The following FAM151B variants were observed in gnomAD, a reference collection of about 807,000 sequenced individuals.
The protein encoded by FAM151B is family with sequence similarity 151 member B.
FAM151B carries 24 observed loss-of-function variants against 31.2 expected under a neutral mutation model. The observed-to-expected ratio is 0.77, with a 90% CI of 0.56 to 1.08. The LOEUF is 1.08. Among genes scored for constraint, FAM151B ranks in the 50% least tolerant of loss-of-function variants. FAM151B has a pLI of 0.00. For synonymous variants in FAM151B, 105 were observed against 111.4 expected (o/e 0.94, Z 0.36); for missense variants, 293 against 328.6 (o/e 0.89, Z 0.84).
At chr5:80,538,474 CTT>C (rs1561383783) in intron 5 of FAM151B, among the ~76,000 whole-genome samples, 4 of 123,980 alleles carry the variant, frequency 3.2e-5, no homozygotes, top group African/African-American at 1.0e-4. Context: ...TTCTTTCTTT[CTT>C]TCTTTCTTTC....
chr5:80,525,841 C>T (rs923553797), intron 5 of FAM151B, among the ~76,000 whole-genome samples: 4 of 150,062 alleles, frequency 2.7e-5, no homozygotes, highest in Admixed American at 1.3e-4. Flanking sequence ...GTACAGGCTT[C>T]TAATGCTCTC....
At chr5:80,496,784 T>C (rs1475196697) in intron 1 of FAM151B, among the ~76,000 whole-genome samples, 2 of 149,726 alleles carry the variant, frequency 1.3e-5, no homozygotes, top group Non-Finnish European at 3.0e-5. Flanking sequence ...ATGGGAACTT[T>C]GCTCTTTTTG....
chr5:80,538,428 CTTTCTTTCTTTCTTTCTTTCTCTT>C (rs1426082411), intron 5 of FAM151B, among the ~76,000 whole-genome samples: 7 of 58,248 alleles, frequency 1.2e-4, no homozygotes, highest in South Asian at 1.4e-3. Context: ...TTCTTTCTTT[CTTTCTTTCTTTCTTTCTTTCTCTT>C]TCTTTCTTTC....
chr5:80,493,487 C>T lies in FAM151B; in HGVS notation c.25+5339C>T, dbSNP rs375092593. On this transcript the variant is annotated intron_variant, in intron 1 of 5. Coordinates refer to ENST00000282226, the MANE Select transcript of FAM151B (RefSeq NM_205548.3). ...GACTGCCTGCGGGGTTGGGCAGAATCGAGCCATATTTTCCTTCTTGCAGAA... is the reference window on the plus strand; with the variant it reads ...GACTGCCTGCGGGGTTGGGCAGAATTGAGCCATATTTTCCTTCTTGCAGAA... Among the ~76,000 whole-genome samples, 16 of 152,164 alleles carry T rather than the reference C, an allele frequency of 1.1e-4. No homozygotes were observed. In the East Asian group the frequency reaches 3.1e-3, roughly 29 times the overall value.
Position 80,501,948 on chromosome 5 carries a change from T to C in FAM151B, c.151+31T>C, listed in dbSNP as rs373194560. The C allele has an allele frequency of 4.2e-5, 63 of 1,515,836 alleles. No homozygotes were observed. The African/African-American group carries it at 8.3e-4, about 20-fold the overall frequency. The allele number at this position is 1,515,836 out of a possible 1,614,324, so 93.9% of individuals were successfully genotyped here. On this transcript the variant is annotated intron_variant, in intron 2 of 5. Coordinates refer to ENST00000282226, the MANE Select transcript of FAM151B (RefSeq NM_205548.3). The stretch of plus-strand genomic sequence containing the variant: ...TCAGTACAGTTACTTGTAATTTACT[T>C]TGGATAATAGATTAATTCAACTCCT...
intron 1 of FAM151B, among the ~76,000 whole-genome samples, chr5:80,499,351 T>C (rs1028934434): frequency 2.0e-5 from 3 of 152,232 alleles, no homozygotes; most frequent in Non-Finnish European, 2.9e-5. Flanking sequence ...ATGAGAATTA[T>C]GTATATTGCA....
chr5:80,542,102 T>C lies in FAM151B; in HGVS notation c.*270T>C. 2 of 331,492 alleles carry C rather than the reference T, an allele frequency of 6.0e-6. No individual in the cohort carries two copies. The highest frequency in any genetic ancestry group is 1.1e-5 in the Non-Finnish European group (2 of 183,238). The allele number at this position is 331,492 out of a possible 1,614,324, so 20.5% of individuals were successfully genotyped here. On this transcript the variant is annotated 3_prime_UTR_variant, in exon 6 of 6. Coordinates refer to ENST00000282226, the MANE Select transcript of FAM151B (RefSeq NM_205548.3). ...ACTCTGCACCCCTTCATAAAAATAG[T>C]TTTGATAAACTAAAGATGATTGGCA...
chr5:80,507,651 A>G (rs1034820390), intron 2 of FAM151B, among the ~76,000 whole-genome samples: 1 of 152,250 alleles, frequency 6.6e-6, no homozygotes, highest in Admixed American at 6.5e-5. Flanking sequence ...ACTGCATTCC[A>G]GCCTGGGCGA....
chr5:80,540,868 CA>C (rs540614633), intron 5 of FAM151B, among the ~76,000 whole-genome samples: 1 of 152,216 alleles, frequency 6.6e-6, no homozygotes, highest in South Asian at 2.1e-4. Flanking sequence ...GTCAATATGA[CA>C]AGAAAATATG....
chr5:80,512,895 G>A (rs760134608), intron 2 of FAM151B, among the ~76,000 whole-genome samples: 4 of 151,952 alleles, frequency 2.6e-5, no homozygotes, highest in Non-Finnish European at 4.4e-5. Context: ...GTGATTTTGG[G>A]GATTTTAGAC....
intron 4 of FAM151B, among the ~76,000 whole-genome samples, chr5:80,520,625 A>G (rs1317302193): frequency 6.7e-6 from 1 of 148,706 alleles, no homozygotes; most frequent in Non-Finnish European, 1.5e-5. Flanking sequence ...AGCCTGGGCA[A>G]CAGAGTGAGA....
In FAM151B at chr5:80,501,020, T is replaced by C. The variant is rs1580415884; in HGVS notation, c.26-772T>C. 7 of 533,638 alleles carry C rather than the reference T, an allele frequency of 1.3e-5. No individual in the cohort carries two copies. The East Asian group carries it at 2.4e-4, about 18-fold the overall frequency. The allele number at this position is 533,638 out of a possible 1,614,324, so 33.1% of individuals were successfully genotyped here. On this transcript the variant is annotated intron_variant, in intron 1 of 5. Transcript: ENST00000282226. The stretch of plus-strand genomic sequence containing the variant: ...AAGACCATCCATTTTTATTTTATTT[T>C]ATTTTATTTTTGAGACAGAGTCTCA...
chr5:80,521,866 A>G, intron 4 of FAM151B, 137 bp from the exon 5 acceptor site: 1 of 555,356 alleles, frequency 1.8e-6, no homozygotes. Context: ...TAATTGACTT[A>G]GAATCCAAAT....
intron 2 of FAM151B, among the ~76,000 whole-genome samples, chr5:80,507,117 T>C (rs1408379453): frequency 1.3e-5 from 1 of 79,904 alleles, no homozygotes; most frequent in African/African-American, 5.4e-5. Context: ...AGACTCCATC[T>C]CAAAAAAAAA....
At chr5:80,498,892 G>A (rs931549599) in intron 1 of FAM151B, 21 of 329,260 alleles carry the variant, frequency 6.4e-5, no homozygotes, top group Admixed American at 3.6e-4. Flanking sequence ...GGAATTCCTG[G>A]ATTTTGGCCT....
At chr5:80,538,414 T>TTC (rs1466672989) in intron 5 of FAM151B, among the ~76,000 whole-genome samples, 6 of 50,922 alleles carry the variant, frequency 1.2e-4, no homozygotes, top group African/African-American at 6.6e-4. Context: ...CTTTCTTTCT[T>TTC]TCTTTCTTTC....
intron 1 of FAM151B, among the ~76,000 whole-genome samples, chr5:80,494,760 C>A (rs1310570066): frequency 6.6e-6 from 1 of 152,028 alleles, no homozygotes; most frequent in Admixed American, 6.6e-5. Flanking sequence ...GTGATCCTCC[C>A]ACCTCAGCCT....
chr5:80,513,556 C>G, intron 2 of FAM151B, 48 bp from the exon 3 acceptor site: 1 of 1,561,580 alleles, frequency 6.4e-7, no homozygotes, highest in Non-Finnish European at 8.7e-7. Flanking sequence ...TCCTGTAGTT[C>G]TGTGCCCTGT....
intron 1 of FAM151B, among the ~76,000 whole-genome samples, chr5:80,488,370 G>A (rs1010920730): frequency 1.3e-5 from 2 of 152,258 alleles, no homozygotes; most frequent in African/African-American, 2.4e-5. Flanking sequence ...TAAGGGACAG[G>A]CGTTAGGGGA....
Sources: gnomAD v4.1 joint callset for allele counts (sites outside exome capture counted in the v4.1 genomes callset) on GRCh38, gnomAD v4.1.1 for gene constraint, MANE v1.5 for transcripts, NCBI Gene and HGNC (gene_info 2026-07-23, HGNC 2026-07-21) for gene names.